FGF12: variants seen among roughly 807,000 people sequenced by gnomAD.
FGF12 encodes the protein fibroblast growth factor 12B.
FGF12 carries 14 observed loss-of-function variants against 23.6 expected under a neutral mutation model. The ratio of observed to expected loss-of-function variants is 0.59; its 90% CI spans 0.39 to 0.93. FGF12 has a LOEUF of 0.93. FGF12 is among the 40% of genes least tolerant of loss of function. The pLI is 0.00. For synonymous variants in FGF12, 62 were observed against 77.3 expected (o/e 0.80, Z 1.04); for missense variants, 175 against 217.8 (o/e 0.80, Z 1.24).
intron 2 of FGF12, among the ~76,000 whole-genome samples, chr3:192,373,285 C>T (rs1442152900): frequency 2.3e-5 from 3 of 128,988 alleles, no homozygotes; most frequent in African/African-American, 3.6e-5. Flanking sequence ...AGGAAGCAAA[C>T]ATTTTTTTTT....
At chr3:192,482,952 T>C (rs1723520794) in intron 2 of FGF12, among the ~76,000 whole-genome samples, 1 of 152,314 alleles carries the variant, frequency 6.6e-6, no homozygotes, top group East Asian at 1.9e-4. Context: ...CTGCCAACTT[T>C]CCATTGTCTG....
intron 4 of FGF12, among the ~76,000 whole-genome samples, chr3:192,331,556 T>C (rs1717123307): frequency 6.6e-6 from 1 of 152,094 alleles, no homozygotes; most frequent in African/African-American, 2.4e-5. Context: ...CAGATGAATG[T>C]TGAGAACATT....
chr3:192,648,746 T>C (rs1291698238), intron 2 of FGF12, among the ~76,000 whole-genome samples: 3 of 151,898 alleles, frequency 2.0e-5, no homozygotes, highest in East Asian at 1.9e-4. Flanking sequence ...AACAGAAAAA[T>C]AGAAGGAAAA....
At chr3:192,442,633 T>C (rs1467896483) in intron 2 of FGF12, among the ~76,000 whole-genome samples, 1 of 152,202 alleles carries the variant, frequency 6.6e-6, no homozygotes, top group Non-Finnish European at 1.5e-5. Flanking sequence ...ATCATCACAC[T>C]GGTGTATGTA....
chr3:192,254,930 G>T (rs928959030), intron 4 of FGF12, among the ~76,000 whole-genome samples: 1 of 152,008 alleles, frequency 6.6e-6, no homozygotes, highest in African/African-American at 2.4e-5. Flanking sequence ...TTTTTGCTAA[G>T]TTTCAAAATG....
intron 2 of FGF12, among the ~76,000 whole-genome samples, chr3:192,646,379 T>C (rs902892249): frequency 6.6e-6 from 1 of 152,030 alleles, no homozygotes; most frequent in African/African-American, 2.4e-5. Flanking sequence ...AATATAAATA[T>C]ATGAGTCATT....
At chr3:192,661,867 A>G (rs1560185839) in intron 2 of FGF12, among the ~76,000 whole-genome samples, 1 of 152,166 alleles carries the variant, frequency 6.6e-6, no homozygotes, top group Admixed American at 6.5e-5. Flanking sequence ...ATTCAAGACA[A>G]ACAGACCCAG....
intron 4 of FGF12, among the ~76,000 whole-genome samples, chr3:192,209,140 G>C (rs143400497): frequency 2.1e-3 from 327 of 152,162 alleles, no homozygotes; most frequent in African/African-American, 6.7e-3. Flanking sequence ...ATATATTATG[G>C]GACTTTCAGA....
chr3:192,221,144 C>G (rs1560197748), intron 4 of FGF12, among the ~76,000 whole-genome samples: 1 of 152,168 alleles, frequency 6.6e-6, no homozygotes, highest in African/African-American at 2.4e-5. Context: ...TCAAAACACA[C>G]AATTCTCCAA....
At chr3:192,654,025 C>T (rs1402632063) in intron 2 of FGF12, among the ~76,000 whole-genome samples, 1 of 152,184 alleles carries the variant, frequency 6.6e-6, no homozygotes. Flanking sequence ...AGCACCTGGC[C>T]TCATTTGAAG....
intron 2 of FGF12, among the ~76,000 whole-genome samples, chr3:192,711,558 T>C (rs1483606793): frequency 1.3e-5 from 2 of 152,206 alleles, no homozygotes; most frequent in Non-Finnish European, 2.9e-5. Context: ...TGTGTCTGTG[T>C]AGAAAGAAGT....
rs1482367984 is a variant in FGF12, at chr3:192,641,201, G to A, written c.13+85980C>T. On this transcript the variant is annotated intron_variant, in intron 2 of 5. Transcript: ENST00000445105. ...GCTCACTGCAAGCTCCGCCTCCCGG[G>A]TTCACGCCATTCTCCTGCCTCAGCC... Among the ~76,000 whole-genome samples the A allele has an allele frequency of 2.6e-5, 2 of 78,286 alleles. 1 individual carries two copies. Among genetic ancestry groups the A allele is most frequent in the Admixed American group, 2.3e-4 (2 of 8,682 alleles). 51.4% of individuals were successfully genotyped at this position (78,286 alleles called of 152,430 possible).
At chr3:192,375,663 C>T (rs1353549179) in intron 2 of FGF12, among the ~76,000 whole-genome samples, 7 of 151,556 alleles carry the variant, frequency 4.6e-5, no homozygotes, top group African/African-American at 7.3e-5. Flanking sequence ...CATTATAACC[C>T]CTCTTTCCCC....
At position 192,615,883 on chromosome 3, in the gene FGF12, T is replaced by C. The variant is rs552051972; in HGVS notation, c.13+111298A>G. Among the ~76,000 whole-genome samples the C allele has an allele frequency of 2.6e-5, 4 of 152,198 alleles. No individual in the cohort carries two copies. The South Asian group carries it at 8.3e-4, about 32-fold the overall frequency. ...GAGTCAATAACCATACTCATGTATA[T>C]GTTTATATATTTCATTGATTAAAAA... On this transcript the variant is annotated intron_variant, in intron 2 of 5. Transcript: ENST00000445105.
intron 3 of FGF12, among the ~76,000 whole-genome samples, chr3:192,350,872 G>A (rs975669545): frequency 3.9e-5 from 6 of 152,164 alleles, no homozygotes; most frequent in African/African-American, 1.4e-4. Flanking sequence ...GGGTCACTCT[G>A]GCTGCTGTGT....
chr3:192,300,291 T>A (rs929865450), intron 4 of FGF12, among the ~76,000 whole-genome samples: 1 of 152,230 alleles, frequency 6.6e-6, no homozygotes. Context: ...TAAATGATGG[T>A]GCAACTGACT....
chr3:192,722,130 AC>A (rs1012944706), intron 2 of FGF12, among the ~76,000 whole-genome samples: 1 of 152,048 alleles, frequency 6.6e-6, no homozygotes, highest in Non-Finnish European at 1.5e-5. Flanking sequence ...AATGAACTGG[AC>A]CCCCTTTGAT....
At chr3:192,394,222 C>A (rs1720425554) in intron 2 of FGF12, among the ~76,000 whole-genome samples, 2 of 152,122 alleles carry the variant, frequency 1.3e-5, no homozygotes, top group South Asian at 4.1e-4. Context: ...TTATTAAGTT[C>A]TTCCGGGGCT....
intron 2 of FGF12, among the ~76,000 whole-genome samples, chr3:192,642,810 A>G (rs922921194): frequency 1.3e-5 from 2 of 152,230 alleles, no homozygotes; most frequent in African/African-American, 2.4e-5. Flanking sequence ...TTGTAGCCCA[A>G]AGAAAATGAT....
Sources: allele counts gnomAD v4.1 joint callset (sites outside exome capture counted in the v4.1 genomes callset), GRCh38; gene constraint gnomAD v4.1.1; transcripts MANE v1.5; gene names NCBI Gene and HGNC (gene_info 2026-07-23, HGNC 2026-07-21).